ACOT1: variants seen among roughly 807,000 people sequenced by gnomAD.
ACOT1 encodes the protein acyl-coenzyme A thioesterase 1.
In ACOT1, 8 loss-of-function variants were observed where a neutral mutation model predicts 15.7. The ratio of observed to expected loss-of-function variants is 0.51; its 90% CI spans 0.30 to 0.92. ACOT1 has a LOEUF of 0.92. Among genes scored for constraint, ACOT1 ranks in the 40% least tolerant of loss-of-function variants. The probability of loss-of-function intolerance (pLI) is 0.06; values close to 1 mark genes in which losing one functional copy is unlikely to be tolerated. For missense variants in ACOT1, 151 were observed against 539.4 expected (o/e 0.28, Z 7.13); for synonymous variants, 67 against 241.2 (o/e 0.28, Z 6.69).
At chr14:73,522,756 AG>A in the ACOT1 span, 1 of 1,614,174 alleles carries the variant, frequency 6.2e-7, no homozygotes, top group South Asian at 1.1e-5. Flanking sequence ...ACAGCCAGGG[AG>A]GTGTCTCCTG....
At chr14:73,522,652 A>C in the ACOT1 span, 1 of 1,614,168 alleles carries the variant, frequency 6.2e-7, no homozygotes, top group East Asian at 2.2e-5. Context: ...GCATGCAGGG[A>C]TGATGGATGA....
chr14:73,538,406 G>A (rs372084689), intron 1 of ACOT1, among the ~76,000 whole-genome samples: 1 of 111,768 alleles, frequency 8.9e-6, no homozygotes, highest in African/African-American at 2.9e-5. Flanking sequence ...GACGTCAGGA[G>A]ATCAAGGCCA....
chr14:73,523,511 G>C, the ACOT1 span, among the ~76,000 whole-genome samples: 3 of 152,166 alleles, frequency 2.0e-5, no homozygotes, highest in Non-Finnish European at 4.4e-5. Flanking sequence ...GTCTTTAAAT[G>C]TTGCTTTCTT....
the ACOT1 span, among the ~76,000 whole-genome samples, chr14:73,506,804 G>GTTTTT: frequency 0.022 from 1,742 of 80,334 alleles, 325 homozygotes; most frequent in African/African-American, 0.076. Context: ...GACTTTAACT[G>GTTTTT]TTTTTTTTTT....
chr14:73,528,835 A>G, the ACOT1 span: 14 of 152,300 alleles, frequency 9.2e-5, no homozygotes, highest in African/African-American at 2.9e-4. Flanking sequence ...AGATGCACTG[A>G]GCGCTTCGGG....
At chr14:73,534,605 T>G (rs1469123374), upstream of ACOT1, among the ~76,000 whole-genome samples, 8 of 107,318 alleles carry the variant, frequency 7.5e-5, 1 homozygote, top group African/African-American at 2.1e-4. Context: ...GGGAGAACTG[T>G]CTAAGCCTGG....
the ACOT1 span, chr14:73,499,021 A>G: frequency 6.7e-7 from 1 of 1,496,938 alleles, no homozygotes; most frequent in Non-Finnish European, 9.3e-7. Flanking sequence ...CTACTTGCAT[A>G]GGCAAAGGTA....
chr14:73,525,569 A>G, the ACOT1 span, among the ~76,000 whole-genome samples: 8 of 152,186 alleles, frequency 5.3e-5, no homozygotes, highest in Non-Finnish European at 8.8e-5. Context: ...CTGGCTGAAA[A>G]TAGAAAGGCT....
the ACOT1 span, among the ~76,000 whole-genome samples, chr14:73,510,330 CTG>C: frequency 6.6e-6 from 1 of 152,054 alleles, no homozygotes; most frequent in Non-Finnish European, 1.5e-5. Context: ...GTTCATAAGA[CTG>C]TCATGGGCCA....
the ACOT1 span, chr14:73,493,159 GAAA>G: frequency 6.4e-7 from 1 of 1,565,518 alleles, no homozygotes; most frequent in African/African-American, 1.4e-5. Flanking sequence ...GTTGGAGGTG[GAAA>G]AAAAACCCTT....
At chr14:73,500,049 G>A in the ACOT1 span, among the ~76,000 whole-genome samples, 3 of 152,188 alleles carry the variant, frequency 2.0e-5, no homozygotes, top group Non-Finnish European at 4.4e-5. Context: ...CTAACACGGT[G>A]AAACCCCATC....
the ACOT1 span, among the ~76,000 whole-genome samples, chr14:73,504,755 G>T: frequency 6.6e-6 from 1 of 152,184 alleles, no homozygotes; most frequent in Non-Finnish European, 1.5e-5. Context: ...GAATGGCAAT[G>T]TTCTGGGCTA....
chr14:73,506,823 T>TTTTTTTTTTTTTTTTTTG, the ACOT1 span, among the ~76,000 whole-genome samples: 1 of 138,132 alleles, frequency 7.2e-6, no homozygotes, highest in Admixed American at 7.1e-5. Context: ...TTTTTTTTTT[T>TTTTTTTTTTTTTTTTTTG]TTCTGAGAAG....
the ACOT1 span, among the ~76,000 whole-genome samples, chr14:73,500,066 A>G: frequency 1.3e-5 from 2 of 152,128 alleles, no homozygotes; most frequent in South Asian, 4.2e-4. Flanking sequence ...CATCTTTACT[A>G]AAAACACAAA....
chr14:73,506,675 A>G, the ACOT1 span: 1 of 820,360 alleles, frequency 1.2e-6, no homozygotes, highest in Non-Finnish European at 2.0e-6. Flanking sequence ...TAATGTCACC[A>G]GTGGGCTTAC....
chr14:73,534,256 G>A (rs1301505392), upstream of ACOT1, among the ~76,000 whole-genome samples: 1 of 111,046 alleles, frequency 9.0e-6, no homozygotes, highest in Non-Finnish European at 1.9e-5. Flanking sequence ...GCATGTGACT[G>A]TAATCCCAGC....
the ACOT1 span, chr14:73,498,352 G>A: frequency 6.3e-7 from 1 of 1,579,622 alleles, no homozygotes. Context: ...AAGCTGCAGA[G>A]ATTAGAGGGC....
the ACOT1 span, chr14:73,502,877 A>G: frequency 4.8e-4 from 750 of 1,577,786 alleles, 2 homozygotes; most frequent in Non-Finnish European, 6.4e-4. Flanking sequence ...GTGTCTCCTC[A>G]TGTTGACTGG....
chr14:73,543,420 C>T lies in ACOT1; in HGVS notation c.1031C>T (p.Ala344Val). Residue 344 changes from alanine (A) to valine (V), a missense_variant, in exon 3 of 3, where the codon GCC becomes GTC. Coordinates refer to ENST00000311148, the MANE Select transcript of ACOT1 (RefSeq NM_001037161.2). ...YANEACKRLQ[A>V]HGRRKPQIIC... Reference sequence around the variant, plus strand: ...AATGAGGCCTGTAAACGCTTGCAGGCCCATGGGAGGAGAAAGCCCCAGATC... The same window carrying T: ...AATGAGGCCTGTAAACGCTTGCAGGTCCATGGGAGGAGAAAGCCCCAGATC... 1 of 1,142,744 alleles carries T rather than the reference C, an allele frequency of 8.8e-7. No homozygotes were observed. Among genetic ancestry groups the T allele is most frequent in the Non-Finnish European group, 1.2e-6 (1 of 800,340 alleles). The allele number at this position is 1,142,744 out of a possible 1,614,324, so 70.8% of individuals were successfully genotyped here. A position where few individuals can be genotyped will look rare whatever the true frequency, so the allele number is the denominator to read the frequency against.
Sources: gnomAD v4.1 joint callset for allele counts (sites outside exome capture counted in the v4.1 genomes callset) on GRCh38, gnomAD v4.1.1 for gene constraint, MANE v1.5 for transcripts, NCBI Gene and HGNC (gene_info 2026-07-23, HGNC 2026-07-21) for gene names.